The following CYFIP1 variants were observed in gnomAD, a reference collection of about 807,000 sequenced individuals.
CYFIP1 encodes cytoplasmic FMR1 interacting protein 1.
A neutral mutation model predicts 163.5 loss-of-function variants in CYFIP1; 58 were observed. The observed-to-expected ratio is 0.35, with a 90% CI of 0.29 to 0.44. CYFIP1 has a LOEUF of 0.44. Ranked by LOEUF, CYFIP1 falls within the 20% of genes least tolerant of loss-of-function variation. The probability of loss-of-function intolerance (pLI) is 1.00; values close to 1 mark genes in which losing one functional copy is unlikely to be tolerated. For missense variants in CYFIP1, 1,338 were observed against 1,653.8 expected (o/e 0.81, Z 3.31); for synonymous variants, 663 against 660.7 (o/e 1.00, Z -0.05).
At chr15:22,889,042 A>G (rs2059998017) in intron 23 of CYFIP1, among the ~76,000 whole-genome samples, 1 of 152,050 alleles carries the variant, frequency 6.6e-6, no homozygotes, top group Non-Finnish European at 1.5e-5. Context: ...CTGTCTCAAA[A>G]AAAAAAAACA....
At chr15:22,886,807 T>C (rs577084556) in intron 23 of CYFIP1, among the ~76,000 whole-genome samples, 9 of 152,196 alleles carry the variant, frequency 5.9e-5, no homozygotes, top group Non-Finnish European at 1.3e-4. Flanking sequence ...TGTTGGTCGA[T>C]GGTGGTGTTC....
chr15:22,941,176 G>A (rs368483875), intron 6 of CYFIP1, among the ~76,000 whole-genome samples: 10 of 152,130 alleles, frequency 6.6e-5, no homozygotes, highest in South Asian at 2.1e-4. Flanking sequence ...CAACCTCAGC[G>A]TCCCAAGTAG....
intron 8 of CYFIP1, among the ~76,000 whole-genome samples, chr15:22,937,594 TTC>T (rs2061752655): frequency 7.1e-6 from 1 of 141,336 alleles, no homozygotes; most frequent in Non-Finnish European, 1.6e-5. Flanking sequence ...AAACTAAAAA[TTC>T]TTTTTTTGTT....
At chr15:22,976,341 A>G (rs1192013865) in intron 1 of CYFIP1, among the ~76,000 whole-genome samples, 1 of 152,144 alleles carries the variant, frequency 6.6e-6, no homozygotes, top group East Asian at 1.9e-4. Context: ...TATTTTTAGT[A>G]GAGACAGGGT....
In CYFIP1 at chr15:22,874,571, A is replaced by G. The variant is rs995443138; in HGVS notation, c.3189T>C (p.Ile1063=). The G allele has an allele frequency of 5.0e-6, 8 of 1,605,366 alleles. No homozygotes were observed. The highest frequency in any genetic ancestry group is 1.1e-5 in the South Asian group (1 of 89,382). ...TTACCTGAGGGGTCCCCAGTCTTTC[A>G]ATCAGTGGGACAAGATGCAGCGGGG... ...KYAPLHLVPL[I]ERLGTPQQIA... is the part of the protein sequence containing the mutation. The change falls in exon 28 of 31, where the codon ATT becomes ATC. Residue 1063 remains isoleucine (I), a synonymous_variant. Transcript: ENST00000617928.
chr15:22,973,022 G>C (rs1336392773), intron 1 of CYFIP1, among the ~76,000 whole-genome samples: 1 of 152,134 alleles, frequency 6.6e-6, no homozygotes, highest in East Asian at 1.9e-4. Flanking sequence ...TGTAATCCCA[G>C]CTACTCAGGA....
intron 1 of CYFIP1, chr15:22,947,843 G>A: frequency 1.5e-6 from 1 of 673,342 alleles, no homozygotes; most frequent in Non-Finnish European, 1.8e-6. Flanking sequence ...TGCCGCAGGG[G>A]ACAGAAAGTG....
At chr15:22,956,649 G>A (rs56215203) in intron 1 of CYFIP1, among the ~76,000 whole-genome samples, 29,152 of 152,016 alleles carry the variant, frequency 0.19, 2,969 homozygotes, top group Middle Eastern at 0.22. Flanking sequence ...CTCGGGGCAG[G>A]TGGCCAGGAA....
chr15:22,914,604 C>G, intron 17 of CYFIP1, 122 bp downstream of exon 17: 1 of 1,061,340 alleles, frequency 9.4e-7, no homozygotes, highest in Non-Finnish European at 1.3e-6. Context: ...GCTATTTTGC[C>G]CAGGCCCAGA....
Position 22,974,563 on chromosome 15 carries a change from T to C in CYFIP1, c.-7+5724A>G, listed in dbSNP as rs559007124. Among the ~76,000 whole-genome samples, 65 of 152,138 alleles carry C rather than the reference T, an allele frequency of 4.3e-4. 2 individuals carry two copies. The highest frequency in any genetic ancestry group is 6.9e-4 in the Non-Finnish European group (47 of 67,998). Reference sequence around the variant, plus strand: ...GCCAACACGGTGAAACCCCTTCCTCTACTAAAAATGCAAAAAAATTAGTCA... The same window carrying C: ...GCCAACACGGTGAAACCCCTTCCTCCACTAAAAATGCAAAAAAATTAGTCA... On this transcript the variant is annotated intron_variant, in intron 1 of 30. Transcript: ENST00000617928.
At chr15:22,935,855 T>C (rs1028129610) in intron 9 of CYFIP1, among the ~76,000 whole-genome samples, 2 of 152,216 alleles carry the variant, frequency 1.3e-5, no homozygotes, top group African/African-American at 4.8e-5. Context: ...CATTTCACAA[T>C]GTGTATGTGT....
intron 11 of CYFIP1, among the ~76,000 whole-genome samples, chr15:22,930,402 A>C (rs1055019651): frequency 1.4e-5 from 2 of 147,812 alleles, no homozygotes; most frequent in African/African-American, 5.0e-5. Context: ...AAAAAAAAAA[A>C]AAAAAAAAAA....
intron 23 of CYFIP1, among the ~76,000 whole-genome samples, chr15:22,890,278 T>C (rs372316246): frequency 5.7e-5 from 8 of 141,206 alleles, no homozygotes; most frequent in East Asian, 2.1e-4. Context: ...TGCCCTGCAC[T>C]CCATCCTAGG....
intron 28 of CYFIP1, among the ~76,000 whole-genome samples, chr15:22,874,062 C>T (rs949765664): frequency 1.7e-4 from 26 of 152,186 alleles, no homozygotes; most frequent in African/African-American, 5.8e-4. Flanking sequence ...TTGGGTGGAG[C>T]GGGTCTACTG....
intron 11 of CYFIP1, among the ~76,000 whole-genome samples, chr15:22,928,332 G>A (rs534144247): frequency 2.6e-5 from 4 of 152,056 alleles, no homozygotes; most frequent in Non-Finnish European, 5.9e-5. Flanking sequence ...GCAGTGAGCC[G>A]ACACTGCGCC....
intron 21 of CYFIP1, among the ~76,000 whole-genome samples, chr15:22,906,255 T>G (rs1222676434): frequency 6.7e-6 from 1 of 149,908 alleles, no homozygotes; most frequent in African/African-American, 2.5e-5. Context: ...TACAGGCATG[T>G]GCCACCACGC....
intron 11 of CYFIP1, among the ~76,000 whole-genome samples, chr15:22,929,804 CG>C (rs1286312045): frequency 6.6e-6 from 1 of 150,490 alleles, no homozygotes; most frequent in African/African-American, 2.4e-5. Flanking sequence ...GGCGTGGTGG[CG>C]GGCGCCTGTA....
chr15:22,875,349 T>A, intron 26 of CYFIP1, 78 bp from the exon 27 acceptor site: 3 of 1,209,482 alleles, frequency 2.5e-6, no homozygotes, highest in Non-Finnish European at 2.5e-6. Context: ...ACCAAGAACT[T>A]CTTTGCCTTT....
chr15:22,955,825 C>A (rs1451136177), intron 1 of CYFIP1, among the ~76,000 whole-genome samples: 1 of 152,220 alleles, frequency 6.6e-6, no homozygotes, highest in African/African-American at 2.4e-5. Context: ...CTTCTCCACA[C>A]AGCAGACATC....
Sources: gnomAD v4.1 joint callset for allele counts (sites outside exome capture counted in the v4.1 genomes callset) on GRCh38, gnomAD v4.1.1 for gene constraint, MANE v1.5 for transcripts, NCBI Gene and HGNC (gene_info 2026-07-23, HGNC 2026-07-21) for gene names.